The following DLC1 variants were observed in gnomAD, a reference collection of about 807,000 sequenced individuals.
DLC1 encodes rho GTPase-activating protein 7.
In DLC1, 54 loss-of-function variants were observed where a neutral mutation model predicts 140.3. The observed-to-expected ratio is 0.38, with a 90% CI of 0.31 to 0.48. DLC1 has a LOEUF of 0.48. Ranked by LOEUF, DLC1 falls within the 20% of genes least tolerant of loss-of-function variation. DLC1 has a pLI of 0.96. For synonymous variants in DLC1, 986 were observed against 728.1 expected, an observed-to-expected ratio of 1.35 and a Z score of -5.70; for missense variants, 2,536 against 1,907.0, an observed-to-expected ratio of 1.33 and a Z score of -6.14.
intron 4 of DLC1, among the ~76,000 whole-genome samples, chr8:13,312,516 G>C (rs1014457120): frequency 4.0e-5 from 6 of 151,624 alleles, no homozygotes; most frequent in Admixed American, 6.6e-5. Context: ...TACAATTGAT[G>C]ACTTAGTCAT....
At chr8:13,519,625 G>T (rs932468310), upstream of DLC1, among the ~76,000 whole-genome samples, 5 of 152,018 alleles carry the variant, frequency 3.3e-5, no homozygotes, top group Non-Finnish European at 7.4e-5. Flanking sequence ...ACTTAAGTTT[G>T]GTCTTAAATT....
chr8:13,246,219 A>T (rs993188685), intron 5 of DLC1, among the ~76,000 whole-genome samples: 1 of 152,222 alleles, frequency 6.6e-6, no homozygotes, highest in East Asian at 1.9e-4. Context: ...ATTGAATTAA[A>T]TACACATTTT....
chr8:13,234,453 T>C (rs1055475730), intron 5 of DLC1, among the ~76,000 whole-genome samples: 1 of 152,148 alleles, frequency 6.6e-6, no homozygotes, highest in Non-Finnish European at 1.5e-5. Flanking sequence ...CTGATTAGCA[T>C]CCTGAAATCA....
intron 5 of DLC1, among the ~76,000 whole-genome samples, chr8:13,248,165 T>C (rs1428381490): frequency 5.9e-5 from 9 of 152,198 alleles, no homozygotes; most frequent in South Asian, 2.1e-4. Flanking sequence ...CAGCACTCCT[T>C]TGCTCCTGTT....
At chr8:13,337,556 C>G (rs902077839) in intron 4 of DLC1, among the ~76,000 whole-genome samples, 2 of 152,140 alleles carry the variant, frequency 1.3e-5, no homozygotes, top group African/African-American at 2.4e-5. Context: ...GGCACAGATT[C>G]TGATGCCTAT....
chr8:13,503,174 G>C (rs1458873040), intron 1 of DLC1, among the ~76,000 whole-genome samples: 36 of 152,162 alleles, frequency 2.4e-4, no homozygotes, highest in Non-Finnish European at 1.0e-4. Flanking sequence ...GGAGGCTGAG[G>C]TGTGCGGATC....
intron 1 of DLC1, among the ~76,000 whole-genome samples, chr8:13,603,587 T>C (rs778739872): frequency 6.6e-6 from 1 of 152,076 alleles, no homozygotes; most frequent in Non-Finnish European, 1.5e-5. Flanking sequence ...TTTACTAAAA[T>C]GTCTTCGCTC....
Position 13,100,093 on chromosome 8 carries a change from C to G in DLC1, c.2244G>C (p.Glu748Asp), listed in dbSNP as rs1218026821. 14 of 1,613,742 alleles carry G rather than the reference C, an allele frequency of 8.7e-6. No homozygotes were observed. The highest frequency in any genetic ancestry group is 1.2e-5 in the Non-Finnish European group (14 of 1,180,050). Residue 748 changes from glutamate to aspartate, a missense_variant, in exon 9 of 18, where the codon GAG becomes GAC. Glu to Asp is a conservative substitution (Grantham distance 45). Coordinates refer to ENST00000276297, the MANE Select transcript of DLC1 (RefSeq NM_182643.3). ...TQTSSSSSQS[E>D]TSSAVSTPSP... ...TGGGCGTGCTGACCGCGCTGCTGGT[C>G]TCCGACTGGCTGCTGCTGCTGCTGG... is the stretch of plus-strand genomic sequence containing the variant.
At chr8:13,431,938 T>C (rs887877575) in intron 2 of DLC1, among the ~76,000 whole-genome samples, 11 of 152,178 alleles carry the variant, frequency 7.2e-5, no homozygotes, top group African/African-American at 2.7e-4. Flanking sequence ...GAAAGAAATA[T>C]TTTTCTACCA....
At chr8:13,106,300 TTAAAGA>T (rs751200096) in intron 7 of DLC1, among the ~76,000 whole-genome samples, 70 of 152,366 alleles carry the variant, frequency 4.6e-4, no homozygotes, top group Non-Finnish European at 4.9e-4. Flanking sequence ...GTTACAATTC[TTAAAGA>T]TATTTTCTTG....
At chr8:13,093,785 C>G (rs1485573487) in intron 12 of DLC1, among the ~76,000 whole-genome samples, 1 of 152,140 alleles carries the variant, frequency 6.6e-6, no homozygotes, top group Non-Finnish European at 1.5e-5. Context: ...TCCACTGTGC[C>G]AATCCTAGAG....
intron 3 of DLC1, among the ~76,000 whole-genome samples, chr8:13,396,126 C>G (rs1441478190): frequency 5.7e-5 from 8 of 140,180 alleles, no homozygotes; most frequent in Non-Finnish European, 1.2e-4. Context: ...GTGGTGCGAT[C>G]TCTGCTCACT....
Position 13,598,821 on chromosome 8 carries a change from C to T in DLC1, c.-126+5716G>A, listed in dbSNP as rs116968426. ...TTGTTACACCAACTCTGCCTCATTC[C>T]ATGAATGAACTAAAATTCTGAAAAA... On this transcript the variant is annotated intron_variant, in intron 1 of 1. Coordinates refer to the DLC1 transcript ENST00000631382. Among the ~76,000 whole-genome samples the T allele has an allele frequency of 1.0e-3, 157 of 151,982 alleles. 1 individual carries two copies. The highest frequency in any genetic ancestry group is 1.8e-3 in the Non-Finnish European group (122 of 67,916).
At chr8:13,477,561 G>A (rs1230790954) in intron 2 of DLC1, among the ~76,000 whole-genome samples, 1 of 152,198 alleles carries the variant, frequency 6.6e-6, no homozygotes. Flanking sequence ...ATAGGTTAGT[G>A]CTTTTACAAA....
At chr8:13,381,914 A>T (rs17804359) in intron 4 of DLC1, among the ~76,000 whole-genome samples, 19,914 of 152,118 alleles carry the variant, frequency 0.13, 1,469 homozygotes, top group Non-Finnish European at 0.17. Context: ...AGACTTTGAG[A>T]TTGGGAGGCA....
At chr8:13,571,143 G>A (rs7016098) in intron 1 of DLC1, among the ~76,000 whole-genome samples, 150,262 of 152,346 alleles carry the variant, frequency 0.99, 74,152 homozygotes, top group East Asian at 1. Context: ...ATGCAAATAC[G>A]AACACCAAAG....
chr8:13,129,246 C>T (rs575871760), intron 5 of DLC1, among the ~76,000 whole-genome samples: 2 of 152,350 alleles, frequency 1.3e-5, no homozygotes, highest in South Asian at 4.1e-4. Context: ...GCCTTCACCT[C>T]CCTCTGCATT....
intron 1 of DLC1, among the ~76,000 whole-genome samples, chr8:13,575,590 TA>T (rs1049581179): frequency 3.5e-4 from 52 of 149,234 alleles, no homozygotes; most frequent in Admixed American, 1.0e-3. Flanking sequence ...CTGTTAAACA[TA>T]AAAAAAAAAT....
intron 5 of DLC1, among the ~76,000 whole-genome samples, chr8:13,264,633 C>T (rs911566270): frequency 3.3e-5 from 5 of 152,082 alleles, no homozygotes; most frequent in Non-Finnish European, 5.9e-5. Flanking sequence ...GGGGCACACA[C>T]GGGGCTGTAA....
Sources: gnomAD v4.1 joint callset for allele counts (sites outside exome capture counted in the v4.1 genomes callset) on GRCh38, gnomAD v4.1.1 for gene constraint, MANE v1.5 for transcripts, NCBI Gene and HGNC (gene_info 2026-07-23, HGNC 2026-07-21) for gene names.